SRGAP2B: variants seen among roughly 807,000 people sequenced by gnomAD.
SRGAP2B encodes the protein SLIT-ROBO Rho GTPase-activating protein 2B.
Under a neutral mutation model 22.2 loss-of-function variants are expected in SRGAP2B, and 9 were observed. That is an observed-to-expected ratio of 0.41 (90% CI 0.24 to 0.71). SRGAP2B has a LOEUF of 0.71. Among genes scored for constraint, SRGAP2B ranks in the 30% least tolerant of loss-of-function variants. The probability of loss-of-function intolerance (pLI) is 0.35; values close to 1 mark genes in which losing one functional copy is unlikely to be tolerated. For synonymous variants in SRGAP2B, 36 were observed against 87.4 expected (o/e 0.41, Z 3.28); for missense variants, 114 against 235.8 (o/e 0.48, Z 3.38).
At chr1:144,964,908 C>T (rs1667954169) in intron 3 of SRGAP2B, 2 of 673,038 alleles carry the variant, frequency 3.0e-6, no homozygotes, top group South Asian at 1.7e-5. Flanking sequence ...TAACATAGGA[C>T]CTGTCTCTTA....
chr1:144,953,724 T>C (rs587637690), intron 4 of SRGAP2B, among the ~76,000 whole-genome samples: 86 of 150,394 alleles, frequency 5.7e-4, no homozygotes, highest in Middle Eastern at 3.4e-3. Flanking sequence ...CTCTGAGATC[T>C]GGAGAGGCTA....
chr1:144,940,757 C>G (rs1435160002), intron 4 of SRGAP2B, among the ~76,000 whole-genome samples: 1 of 143,628 alleles, frequency 7.0e-6, no homozygotes, highest in Admixed American at 6.9e-5. Context: ...GAGCCAAGAT[C>G]ACGCCACTGT....
chr1:145,006,241 T>C (rs1321364408), intron 2 of SRGAP2B, among the ~76,000 whole-genome samples: 1 of 150,916 alleles, frequency 6.6e-6, no homozygotes, highest in Admixed American at 6.6e-5. Context: ...CTACAGGAGA[T>C]AGAAACTGAC....
At position 145,017,422 on chromosome 1, in the gene SRGAP2B, C is replaced by T. The variant is rs1443209464; in HGVS notation, c.68-22222G>A. On this transcript the variant is annotated intron_variant, in intron 2 of 9. Transcript: ENST00000612199. ...TAACACAATAGCTTGACTGGATGAACCTGATTCCCTTGGAAATTTCATTTT... is the reference window on the plus strand; with the variant it reads ...TAACACAATAGCTTGACTGGATGAATCTGATTCCCTTGGAAATTTCATTTT... Among the ~76,000 whole-genome samples, 6 of 145,462 alleles carry T rather than the reference C, an allele frequency of 4.1e-5. 2 individuals are homozygous for T. Among genetic ancestry groups the T allele is most frequent in the African/African-American group, 1.6e-4 (6 of 37,834 alleles).
chr1:144,940,290 T>C (rs1432464960), intron 4 of SRGAP2B, among the ~76,000 whole-genome samples: 1 of 101,932 alleles, frequency 9.8e-6, no homozygotes, highest in Non-Finnish European at 1.9e-5. Flanking sequence ...GATTCTCAAC[T>C]AAGCTCTAAG....
chr1:144,984,422 A>T (rs1461787808), intron 3 of SRGAP2B, among the ~76,000 whole-genome samples: 2 of 148,634 alleles, frequency 1.3e-5, no homozygotes, highest in Non-Finnish European at 3.0e-5. Context: ...CCATTAATTT[A>T]TCAATCACCC....
intron 3 of SRGAP2B, among the ~76,000 whole-genome samples, chr1:144,978,653 CAAAA>C (rs1330248621): frequency 5.4e-5 from 8 of 149,112 alleles, no homozygotes; most frequent in African/African-American, 2.0e-4. Context: ...TCTCAAAAAA[CAAAA>C]AACAACAACA....
chr1:145,001,882 G>T (rs199493461), intron 2 of SRGAP2B, among the ~76,000 whole-genome samples: 3 of 149,906 alleles, frequency 2.0e-5, no homozygotes, highest in Non-Finnish European at 4.4e-5. Context: ...AGTTAGCTGG[G>T]GGGGTGGTGC....
chr1:145,039,129 C>T (rs782537455), intron 2 of SRGAP2B, among the ~76,000 whole-genome samples: 573 of 74,026 alleles, frequency 7.7e-3, no homozygotes, highest in Non-Finnish European at 0.012. Flanking sequence ...TCAGAGAGTT[C>T]TTGCTCTAAC....
At position 145,009,003 on chromosome 1, in the gene SRGAP2B, C is replaced by T. The variant is rs1279016801; in HGVS notation, c.68-13803G>A. 2.0e-5 allele frequency among the ~76,000 whole-genome samples: 3 copies of T among 147,974 alleles called. No individual in the cohort carries two copies. In the East Asian group the frequency reaches 6.0e-4, roughly 30 times the overall value. ...TGGCTAACACAGTGAAACCCCGTCTCTACTAAAAAAAAAATACAAAAAAAG... is the reference window on the plus strand; with the variant it reads ...TGGCTAACACAGTGAAACCCCGTCTTTACTAAAAAAAAAATACAAAAAAAG... On this transcript the variant is annotated intron_variant, in intron 2 of 9. Transcript: ENST00000612199.
At chr1:144,954,639 T>A (rs1182222471) in intron 4 of SRGAP2B, among the ~76,000 whole-genome samples, 13 of 150,768 alleles carry the variant, frequency 8.6e-5, no homozygotes, top group Admixed American at 8.6e-4. Context: ...GATTCCACTT[T>A]GAGCTCAAGC....
At chr1:145,085,318 TCA>T (rs1224457625) in intron 2 of SRGAP2B, among the ~76,000 whole-genome samples, 1 of 132,292 alleles carries the variant, frequency 7.6e-6, no homozygotes, top group Admixed American at 7.9e-5. Flanking sequence ...CTTTTCTTTC[TCA>T]CTCCATCCTG....
At chr1:144,996,540 TC>T (rs1326692978) in intron 2 of SRGAP2B, among the ~76,000 whole-genome samples, 5 of 143,580 alleles carry the variant, frequency 3.5e-5, no homozygotes, top group African/African-American at 1.4e-4. Flanking sequence ...CAAATCAGGA[TC>T]AGAACTATGA....
intron 2 of SRGAP2B, among the ~76,000 whole-genome samples, chr1:145,073,084 G>T (rs587718089): frequency 6.7e-6 from 1 of 150,250 alleles, no homozygotes; most frequent in South Asian, 2.1e-4. Context: ...TTTCCCTACA[G>T]GGCACAGGGA....
intron 4 of SRGAP2B, among the ~76,000 whole-genome samples, chr1:144,940,914 G>A (rs1665990298): frequency 6.8e-6 from 1 of 147,164 alleles, no homozygotes; most frequent in Admixed American, 6.7e-5. Flanking sequence ...ACATTTAAAA[G>A]AAGATGCAAT....
At chr1:144,947,523 T>A (rs1553608665) in intron 4 of SRGAP2B, among the ~76,000 whole-genome samples, 1 of 150,582 alleles carries the variant, frequency 6.6e-6, no homozygotes, top group African/African-American at 2.5e-5. Context: ...ACGTTTAACA[T>A]CTCCAAGACC....
At chr1:144,889,259 T>G (rs1662083321) in exon 10 of SRGAP2B, 1 of 148,210 alleles carries the variant, frequency 6.7e-6, no homozygotes, top group African/African-American at 2.6e-5. Flanking sequence ...CTGGCCTATT[T>G]ATTTTTTAAT....
intron 3 of SRGAP2B, among the ~76,000 whole-genome samples, chr1:144,967,140 C>T (rs1358127510): frequency 1.0e-5 from 1 of 98,938 alleles, no homozygotes; most frequent in Non-Finnish European, 1.9e-5. Flanking sequence ...ACCAAGCGGA[C>T]CTAATAGACA....
intron 3 of SRGAP2B, 61 bp downstream of exon 3, chr1:144,994,947 C>A (rs1311195669): frequency 3.4e-6 from 3 of 877,328 alleles, no homozygotes; most frequent in Non-Finnish European, 5.0e-6. Flanking sequence ...ATACCCTGCC[C>A]CCCTCCACCC....
Sources: allele counts gnomAD v4.1 joint callset (sites outside exome capture counted in the v4.1 genomes callset), GRCh38; gene constraint gnomAD v4.1.1; transcripts MANE v1.5; gene names NCBI Gene and HGNC (gene_info 2026-07-23, HGNC 2026-07-21).